Variants in NCKAP5 observed in about 807,000 individuals in gnomAD.
NCKAP5 encodes the protein nck-associated protein 5.
In NCKAP5, 92 loss-of-function variants were observed where a neutral mutation model predicts 167.0. That is an observed-to-expected ratio of 0.55 (90% confidence interval 0.47 to 0.66). The LOEUF (loss-of-function observed/expected upper bound fraction) is 0.66, where lower values mean the gene tolerates loss of function less well. NCKAP5 is among the 30% of genes least tolerant of loss of function. The pLI, the probability that NCKAP5 is intolerant of heterozygous loss-of-function variation, is 0.00. For missense variants in NCKAP5, 2,378 were observed against 2,315.0 expected (o/e 1.03, Z -0.56); for synonymous variants, 891 against 877.4 (o/e 1.02, Z -0.27).
At chr2:133,043,041 A>T (rs1475623591) in intron 6 of NCKAP5, among the ~76,000 whole-genome samples, 1 of 152,166 alleles carries the variant, frequency 6.6e-6, no homozygotes, top group Non-Finnish European at 1.5e-5. Context: ...ACCACACAGA[A>T]AGACCTGCCT....
At chr2:132,692,075 G>A (rs1686795697) in intron 19 of NCKAP5, among the ~76,000 whole-genome samples, 1 of 151,914 alleles carries the variant, frequency 6.6e-6, no homozygotes, top group Non-Finnish European at 1.5e-5. Flanking sequence ...CTGAAGCCAT[G>A]CCCTCATTAT....
intron 3 of NCKAP5, among the ~76,000 whole-genome samples, chr2:133,351,076 C>T (rs555318826): frequency 5.7e-4 from 87 of 152,206 alleles, no homozygotes; most frequent in African/African-American, 9.4e-4. Context: ...GAAGGTAAGG[C>T]GGAGTATTTG....
chr2:133,319,115 A>G (rs1209858694), intron 3 of NCKAP5, among the ~76,000 whole-genome samples: 2 of 152,016 alleles, frequency 1.3e-5, no homozygotes, highest in Non-Finnish European at 2.9e-5. Context: ...ACCCATCATT[A>G]CAATCATTCA....
At chr2:132,925,325 C>T (rs981107731) in intron 8 of NCKAP5, among the ~76,000 whole-genome samples, 13 of 151,292 alleles carry the variant, frequency 8.6e-5, no homozygotes, top group Admixed American at 2.0e-4. Context: ...GAGGCCGAGG[C>T]GGGCAGATCA....
intron 19 of NCKAP5, among the ~76,000 whole-genome samples, chr2:132,676,385 T>G (rs1684495953): frequency 7.0e-6 from 1 of 142,366 alleles, no homozygotes; most frequent in Admixed American, 7.3e-5. Context: ...CCTAGTCCAA[T>G]GCTACATCAT....
At chr2:132,735,473 C>A (rs1443000872) in intron 16 of NCKAP5, among the ~76,000 whole-genome samples, 3 of 152,170 alleles carry the variant, frequency 2.0e-5, no homozygotes, top group Admixed American at 1.3e-4. Context: ...CTTCCTGAGG[C>A]CCTCACCAGC....
chr2:133,094,662 T>A (rs1009534659), intron 6 of NCKAP5, among the ~76,000 whole-genome samples: 2 of 152,194 alleles, frequency 1.3e-5, no homozygotes, highest in African/African-American at 4.8e-5. Context: ...CCTGATTATG[T>A]TATGAGACAA....
Position 132,731,977 on chromosome 2 carries a change from T to C in NCKAP5, c.5203A>G (p.Thr1735Ala). The C allele has an allele frequency of 5.6e-6, 9 of 1,613,878 alleles. No homozygotes were observed. The highest frequency in any genetic ancestry group is 6.8e-6 in the Non-Finnish European group (8 of 1,179,866). ...FPLPDSGNRS[T>A]GRYLCQPDSP... is the part of the protein sequence containing the mutation. ...TCTGGCTGGCATAGGTAGCGTCCTG[T>C]CGAGCGATTTCCCGAGTCTGGGAGT... Residue 1735 changes from threonine (T) to alanine (A), a missense_variant, in exon 17 of 20, where the codon ACA becomes GCA. Physicochemically the swap from Thr to Ala is moderately conservative, Grantham distance 58. This residue lies in a region of NCKAP5 where 1,325 missense variants were observed against 1,274.5 expected (regional missense o/e 1.04). Coordinates refer to ENST00000409261, the MANE Select transcript of NCKAP5 (RefSeq NM_207363.3).
chr2:132,771,337 A>C (rs892834403), intron 16 of NCKAP5, among the ~76,000 whole-genome samples: 1 of 152,216 alleles, frequency 6.6e-6, no homozygotes, highest in Non-Finnish European at 1.5e-5. Flanking sequence ...TAATAGAAAA[A>C]TCTTACAGAA....
intron 3 of NCKAP5, among the ~76,000 whole-genome samples, chr2:133,470,357 A>C (rs1036070545): frequency 6.6e-6 from 1 of 152,176 alleles, no homozygotes; most frequent in Admixed American, 6.5e-5. Context: ...TTGAGGAGGC[A>C]GTCTGCCGGT....
At chr2:133,064,158 C>T (rs1290210993) in intron 6 of NCKAP5, among the ~76,000 whole-genome samples, 1 of 152,206 alleles carries the variant, frequency 6.6e-6, no homozygotes. Flanking sequence ...CCATCTTTGT[C>T]TTGGCATGGG....
At chr2:132,902,447 C>T (rs139670525) in intron 8 of NCKAP5, among the ~76,000 whole-genome samples, 10 of 152,302 alleles carry the variant, frequency 6.6e-5, no homozygotes, top group South Asian at 2.1e-4. Flanking sequence ...CTGGTTTCCA[C>T]GTGTGTTGCC....
At chr2:133,112,311 A>T (rs2081942612) in intron 6 of NCKAP5, among the ~76,000 whole-genome samples, 1 of 152,084 alleles carries the variant, frequency 6.6e-6, no homozygotes, top group African/African-American at 2.4e-5. Flanking sequence ...CGTCTCTACT[A>T]AAAATACGAA....
At chr2:132,993,147 C>A (rs960934937) in intron 7 of NCKAP5, among the ~76,000 whole-genome samples, 3 of 152,198 alleles carry the variant, frequency 2.0e-5, no homozygotes, top group Non-Finnish European at 4.4e-5. Context: ...GGCTTTTTAG[C>A]CAGCAAAAAC....
chr2:133,514,284 T>TA (rs1329909037), intron 3 of NCKAP5, among the ~76,000 whole-genome samples: 1 of 152,056 alleles, frequency 6.6e-6, no homozygotes, highest in Non-Finnish European at 1.5e-5. Flanking sequence ...AATAATAAAG[T>TA]AAAAAAATCA....
intron 19 of NCKAP5, among the ~76,000 whole-genome samples, chr2:132,691,522 C>T (rs1425356497): frequency 1.3e-5 from 2 of 152,170 alleles, no homozygotes; most frequent in African/African-American, 2.4e-5. Context: ...CGCTACCTAA[C>T]ATGTTCCTCT....
intron 8 of NCKAP5, among the ~76,000 whole-genome samples, chr2:132,920,703 G>A (rs1157925329): frequency 1.2e-4 from 9 of 75,742 alleles, no homozygotes; most frequent in African/African-American, 3.1e-4. Context: ...ATATATATAC[G>A]TATATGTATA....
rs148582349 is a variant in NCKAP5 at position 133,035,329 on chromosome 2, C to T, written c.342-41090G>A. Among the ~76,000 whole-genome samples the T allele has an allele frequency of 6.4e-4, 97 of 152,094 alleles. 2 individuals carry two copies. Among genetic ancestry groups the T allele is most frequent in the African/African-American group, 2.2e-3 (91 of 41,552 alleles). ...AATAATAGCTGGAGATTGCAGGCCC[C>T]ACTTTCAGCAATGGACAAATCTTTG... On this transcript the variant is annotated intron_variant, in intron 6 of 19. Coordinates refer to ENST00000409261, the MANE Select transcript of NCKAP5 (RefSeq NM_207363.3).
At chr2:133,466,037 T>G (rs1425524813) in intron 3 of NCKAP5, among the ~76,000 whole-genome samples, 6 of 151,366 alleles carry the variant, frequency 4.0e-5, no homozygotes, top group South Asian at 2.1e-4. Context: ...GTCAATTTTG[T>G]CTTTTGTTGC....
Sources: allele counts gnomAD v4.1 joint callset (sites outside exome capture counted in the v4.1 genomes callset), GRCh38; gene constraint gnomAD v4.1.1; regional missense constraint gnomAD v4.1.1; transcripts MANE v1.5; gene names NCBI Gene and HGNC (gene_info 2026-07-23, HGNC 2026-07-21).